DGKG: variants seen among roughly 807,000 people sequenced by gnomAD.
DGKG encodes the protein diacylglycerol kinase gamma.
In DGKG, 78 loss-of-function variants were observed where a neutral mutation model predicts 105.3. That is an observed-to-expected ratio of 0.74 (90% confidence interval 0.62 to 0.89). DGKG has a LOEUF of 0.89. DGKG is among the 40% of genes least tolerant of loss of function. DGKG has a pLI of 0.00. For synonymous variants in DGKG, 346 were observed against 367.1 expected (o/e 0.94, Z 0.66); for missense variants, 958 against 1,020.1 (o/e 0.94, Z 0.83).
At chr3:186,262,866 C>A (rs1451777222) in intron 14 of DGKG, among the ~76,000 whole-genome samples, 2 of 152,164 alleles carry the variant, frequency 1.3e-5, no homozygotes, top group Non-Finnish European at 2.9e-5. Context: ...TGATCACTCA[C>A]GCCTATAATC....
At chr3:186,152,883 C>G (rs1294793760) in intron 24 of DGKG, among the ~76,000 whole-genome samples, 1 of 151,498 alleles carries the variant, frequency 6.6e-6, no homozygotes, top group Non-Finnish European at 1.5e-5. Flanking sequence ...AGGATGGTCT[C>G]GATCTCCTGA....
At chr3:186,330,819 C>T (rs1725564526) in intron 1 of DGKG, among the ~76,000 whole-genome samples, 1 of 152,210 alleles carries the variant, frequency 6.6e-6, no homozygotes, top group Non-Finnish European at 1.5e-5. Flanking sequence ...GCAGAGATAA[C>T]CCATCCCCGC....
At chr3:186,160,193 G>T in intron 24 of DGKG, 1 of 985,358 alleles carries the variant, frequency 1.0e-6, no homozygotes, top group Non-Finnish European at 1.2e-6. Context: ...ATCTCTAAAG[G>T]GTGGTATGGA....
rs371031615 is a variant in DGKG at position 186,160,085 on chromosome 3, T to C, written c.2277+1518A>G. 3.0e-5 allele frequency: 17 copies of C among 573,242 alleles called. No homozygotes were observed. In the African/African-American group the frequency reaches 3.0e-4, roughly 10 times the overall value. 35.5% of individuals were successfully genotyped at this position (573,242 alleles called of 1,614,324 possible). ...AAGCTGTCAGTCTGTGGTATTCTAT[T>C]ATGGCACTCAAAGCAGACGAATATA... On this transcript the variant is annotated intron_variant, in intron 24 of 24. Coordinates refer to ENST00000265022, the MANE Select transcript of DGKG (RefSeq NM_001346.3).
At chr3:186,188,410 A>G (rs1717744462) in intron 21 of DGKG, 31 bp from the exon 22 acceptor site, 2 of 1,608,770 alleles carry the variant, frequency 1.2e-6, no homozygotes, top group South Asian at 1.1e-5. Flanking sequence ...GCCATCTGTT[A>G]GTGTCCTCAG....
intron 21 of DGKG, among the ~76,000 whole-genome samples, chr3:186,191,054 T>G (rs141236532): frequency 6.6e-6 from 1 of 152,178 alleles, no homozygotes; most frequent in Non-Finnish European, 1.5e-5. Flanking sequence ...CTTTCATAAA[T>G]GAGCCCCAGT....
chr3:186,174,652 C>CTGTG (rs67342971), intron 22 of DGKG, among the ~76,000 whole-genome samples: 25 of 145,920 alleles, frequency 1.7e-4, no homozygotes, highest in Admixed American at 5.5e-4. Context: ...TTCCCTGCGG[C>CTGTG]TGTGTGTGTG....
chr3:186,303,042 C>T (rs1421121327), intron 3 of DGKG, among the ~76,000 whole-genome samples: 2 of 152,132 alleles, frequency 1.3e-5, no homozygotes, highest in South Asian at 2.1e-4. Context: ...GACCTCCTGA[C>T]TCCCTGTCCA....
chr3:186,151,424 C>T (rs537809938), intron 24 of DGKG, among the ~76,000 whole-genome samples: 32 of 152,168 alleles, frequency 2.1e-4, no homozygotes, highest in African/African-American at 7.0e-4. Flanking sequence ...GTGTCCAAAA[C>T]AAGGTGGGCA....
chr3:186,260,977 G>T (rs1274366977), intron 15 of DGKG, among the ~76,000 whole-genome samples: 1 of 152,178 alleles, frequency 6.6e-6, no homozygotes, highest in Admixed American at 6.5e-5. Context: ...CGCAGGAGGT[G>T]GTGTTGGGCT....
In DGKG at chr3:186,302,539, T is replaced by C. The variant is rs1578803091; in HGVS notation, c.145-4310A>G. Among the ~76,000 whole-genome samples, 24 of 23,808 alleles carry C rather than the reference T, an allele frequency of 1.0e-3. 1 individual carries two copies. The South Asian group carries it at 0.028, about 28-fold the overall frequency. The allele number at this position is 23,808 out of a possible 152,430, so 15.6% of individuals were successfully genotyped here. A position where few individuals can be genotyped will look rare whatever the true frequency, so the allele number is the denominator to read the frequency against. On this transcript the variant is annotated intron_variant, in intron 3 of 24. Coordinates refer to ENST00000265022, the MANE Select transcript of DGKG (RefSeq NM_001346.3). Reference sequence around the variant, plus strand: ...GTATATATATATATATATACATATGTATATATATATATATATATACACATA... The same window carrying C: ...GTATATATATATATATATACATATGCATATATATATATATATATACACATA...
intron 21 of DGKG, chr3:186,207,541 AAAC>A: frequency 1.0e-6 from 1 of 977,814 alleles, no homozygotes; most frequent in Non-Finnish European, 1.2e-6. Context: ...AAAAAAACAA[AAAC>A]AAAAAGCCCT....
chr3:186,197,101 G>A (rs903220507), intron 21 of DGKG, among the ~76,000 whole-genome samples: 3 of 152,148 alleles, frequency 2.0e-5, no homozygotes, highest in African/African-American at 7.2e-5. Context: ...ACATTGATCT[G>A]GGGACGATAC....
chr3:186,234,615 T>C (rs1222886559), intron 20 of DGKG, among the ~76,000 whole-genome samples: 1 of 152,198 alleles, frequency 6.6e-6, no homozygotes, highest in Non-Finnish European at 1.5e-5. Flanking sequence ...GAATAAGACC[T>C]TTCCTGTTCT....
intron 22 of DGKG, among the ~76,000 whole-genome samples, chr3:186,184,899 G>A (rs991023529): frequency 1.3e-5 from 2 of 152,028 alleles, no homozygotes; most frequent in African/African-American, 4.8e-5. Flanking sequence ...TATAAATCCC[G>A]GGACAAAATA....
intron 2 of DGKG, among the ~76,000 whole-genome samples, chr3:186,310,403 C>T (rs1724485471): frequency 2.0e-5 from 3 of 151,526 alleles, no homozygotes; most frequent in Admixed American, 2.0e-4. Flanking sequence ...ATTATAGTAT[C>T]AATACCCTTT....
chr3:186,152,913 C>T (rs370115091), intron 24 of DGKG, among the ~76,000 whole-genome samples: 7 of 150,632 alleles, frequency 4.6e-5, no homozygotes, highest in African/African-American at 1.5e-4. Context: ...CCGCCCGTGT[C>T]GGCCTCCCAA....
At chr3:186,278,601 T>C (rs1328637586) in intron 9 of DGKG, among the ~76,000 whole-genome samples, 1 of 151,974 alleles carries the variant, frequency 6.6e-6, no homozygotes, top group African/African-American at 2.4e-5. Context: ...AAGAAGGGGG[T>C]CATGTAGATC....
Position 186,279,847 on chromosome 3 carries a change from T to C in DGKG, c.792+4A>G, listed in dbSNP as rs1447700193. On this transcript the variant is annotated splice_donor_region_variant and intron_variant, in intron 9 of 24. Transcript: ENST00000265022. Reference sequence around the variant, plus strand: ...GATCTCTGAACTCCAGCTTGTTGACTTACAGAGTCATCCATCCCCAGGAGG... The same window carrying C: ...GATCTCTGAACTCCAGCTTGTTGACCTACAGAGTCATCCATCCCCAGGAGG... 1 of 1,613,354 alleles carries C rather than the reference T, an allele frequency of 6.2e-7. No homozygotes were observed. The highest frequency in any genetic ancestry group is 2.2e-5 in the East Asian group (1 of 44,824).
Sources: allele counts gnomAD v4.1 joint callset (sites outside exome capture counted in the v4.1 genomes callset), GRCh38; gene constraint gnomAD v4.1.1; transcripts MANE v1.5; gene names NCBI Gene and HGNC (gene_info 2026-07-23, HGNC 2026-07-21).